Variants in CCDC122 observed in about 807,000 individuals in gnomAD.
CCDC122 encodes the protein coiled-coil domain containing 122.
Under a neutral mutation model 37.0 loss-of-function variants are expected in CCDC122, and 38 were observed. That is an observed-to-expected ratio of 1.03 (90% confidence interval 0.79 to 1.35). The LOEUF (loss-of-function observed/expected upper bound fraction) is 1.35. Ranked by LOEUF, CCDC122 falls within the 40% of genes most tolerant of loss-of-function variation. The probability of loss-of-function intolerance (pLI) is 0.00; values close to 1 mark genes in which losing one functional copy is unlikely to be tolerated. For synonymous variants in CCDC122, 83 were observed against 95.6 expected, an observed-to-expected ratio of 0.87 and a Z score of 0.77; for missense variants, 305 against 310.0, an observed-to-expected ratio of 0.98 and a Z score of 0.12.
intron 6 of CCDC122, among the ~76,000 whole-genome samples, chr13:43,849,891 C>A (rs1953667592): frequency 6.6e-6 from 1 of 152,162 alleles, no homozygotes; most frequent in Non-Finnish European, 1.5e-5. Flanking sequence ...CTCTAAGCAG[C>A]AAGAAACCAT....
intron 4 of CCDC122, among the ~76,000 whole-genome samples, chr13:43,862,016 C>A (rs1411579444): frequency 6.6e-6 from 1 of 152,134 alleles, no homozygotes; most frequent in Non-Finnish European, 1.5e-5. Context: ...TGTAGTGTGA[C>A]CTAATGTCTA....
chr13:43,862,167 A>C (rs1954127907), intron 4 of CCDC122, among the ~76,000 whole-genome samples: 1 of 152,220 alleles, frequency 6.6e-6, no homozygotes, highest in African/African-American at 2.4e-5. Flanking sequence ...GCATTAATAA[A>C]AAATTTCAAA....
intron 4 of CCDC122, among the ~76,000 whole-genome samples, chr13:43,862,102 A>G (rs1037673540): frequency 5.3e-5 from 8 of 152,280 alleles, no homozygotes; most frequent in African/African-American, 1.9e-4. Flanking sequence ...TCTTTTCAAA[A>G]CATAAATCAT....
chr13:43,858,796 T>A lies in CCDC122; in HGVS notation c.657A>T (p.Leu219Phe). The A allele has an allele frequency of 7.0e-7, 1 of 1,421,884 alleles. No homozygotes were observed. The highest frequency in any genetic ancestry group is 1.3e-5 in the South Asian group (1 of 74,164). 88.1% of individuals were successfully genotyped at this position (1,421,884 alleles called of 1,614,324 possible). A position where few individuals can be genotyped will look rare whatever the true frequency, so the allele number is the denominator to read the frequency against. Residue 219 changes from leucine to phenylalanine, a missense_variant, in exon 6 of 7, where the codon TTA becomes TTT. Transcript: ENST00000444614. ...LEEEKKTHEK[L>F]RKEIEVQHKR... ...TAAGACTTACCTCTATTTCTTTTCTTAATTTTTCATGTGTCTTTTTTTCTT... is the reference window on the plus strand; with the variant it reads ...TAAGACTTACCTCTATTTCTTTTCTAAATTTTTCATGTGTCTTTTTTTCTT...
intron 5 of CCDC122, 47 bp from the exon 6 acceptor site, chr13:43,858,944 C>T (rs992450964): frequency 2.3e-6 from 3 of 1,292,724 alleles, no homozygotes; most frequent in South Asian, 3.1e-5. Context: ...AAAGGATGAT[C>T]AATATAAATC....
Position 43,860,079 on chromosome 13 carries a change from C to A in CCDC122, c.157-9G>T. ...AGCTCATGAAGTTCATTCTGTAATA[C>A]ATTTTAACATTATCATTATTAATTC... On this transcript the variant is annotated splice_polypyrimidine_tract_variant and intron_variant, in intron 4 of 6. Coordinates refer to ENST00000444614, the MANE Select transcript of CCDC122 (RefSeq NM_144974.5). 7.3e-7 allele frequency: 1 copy of A among 1,360,698 alleles called. No homozygotes were observed. The highest frequency in any genetic ancestry group is 2.5e-5 in the East Asian group (1 of 39,240). 84.3% of individuals were successfully genotyped at this position (1,360,698 alleles called of 1,614,324 possible).
chr13:43,862,779 T>C (rs916039294), intron 4 of CCDC122, among the ~76,000 whole-genome samples: 15 of 152,208 alleles, frequency 9.9e-5, no homozygotes, highest in Non-Finnish European at 1.3e-4. Flanking sequence ...TATTGGTCAA[T>C]AGAAGAAGTA....
intron 6 of CCDC122, among the ~76,000 whole-genome samples, chr13:43,846,221 C>G (rs930504713): frequency 6.6e-6 from 1 of 151,968 alleles, no homozygotes; most frequent in Non-Finnish European, 1.5e-5. Context: ...ATTACAGGTG[C>G]CCGCCACCAC....
chr13:43,847,504 T>C (rs915933341), intron 6 of CCDC122, among the ~76,000 whole-genome samples: 2 of 152,208 alleles, frequency 1.3e-5, no homozygotes, highest in African/African-American at 2.4e-5. Flanking sequence ...CTCTGTCATT[T>C]ATCATTAGCT....
Position 43,864,878 on chromosome 13 carries a change from C to A in CCDC122, c.156+3816G>T, listed in dbSNP as rs144112332. On this transcript the variant is annotated intron_variant, in intron 4 of 6. Coordinates refer to ENST00000444614, the MANE Select transcript of CCDC122 (RefSeq NM_144974.5). ...AAAAGCCCAAGCCTTGATTAGAAGA[C>A]TGAAACTTTTAGCCCCATTTCCCCA... Among the ~76,000 whole-genome samples, 112 of 152,248 alleles carry A rather than the reference C, an allele frequency of 7.4e-4. 2 individuals are homozygous for A. The highest frequency in any genetic ancestry group is 2.6e-3 in the African/African-American group (110 of 41,558).
At position 43,874,855 on chromosome 13, in the gene CCDC122, G is replaced by A. The variant is rs891531152; in HGVS notation, c.-127C>T. 2.0e-5 allele frequency: 3 copies of A among 152,276 alleles called. No individual in the cohort carries two copies. Among genetic ancestry groups the A allele is most frequent in the Non-Finnish European group, 4.4e-5 (3 of 68,046 alleles). 9.4% of individuals were successfully genotyped at this position (152,276 alleles called of 1,614,324 possible). ...TAAACTGTATACCTATTATACACCA[G>A]TACCGCTGAATCTGCTGACACTAGG... On this transcript the variant is annotated 5_prime_UTR_variant, in exon 2 of 7. Transcript: ENST00000444614.
chr13:43,868,606 CTCCCAATAA>C (rs1566953726), intron 4 of CCDC122, 79 bp downstream of exon 4: 3 of 642,798 alleles, frequency 4.7e-6, no homozygotes, highest in Non-Finnish European at 7.4e-6. Context: ...TTAAAAGTGA[CTCCCAATAA>C]TAAGTATTTT....
At chr13:43,854,210 AAATT>A (rs1953833323) in intron 6 of CCDC122, 2 of 152,154 alleles carry the variant, frequency 1.3e-5, no homozygotes, top group South Asian at 4.1e-4. Flanking sequence ...TTTTTTGAAA[AAATT>A]AATAAAACAG....
At chr13:43,863,513 T>C (rs564391963) in intron 4 of CCDC122, among the ~76,000 whole-genome samples, 2 of 152,210 alleles carry the variant, frequency 1.3e-5, no homozygotes, top group African/African-American at 4.8e-5. Flanking sequence ...GGCTAGATTA[T>C]ACAGTAGGGA....
At chr13:43,855,636 A>T (rs1375549323) in intron 6 of CCDC122, 1 of 152,194 alleles carries the variant, frequency 6.6e-6, no homozygotes, top group Non-Finnish European at 1.5e-5. Context: ...TGTAAATCAA[A>T]ACCACAAGGA....
At chr13:43,835,532 G>T (rs181187064), downstream of CCDC122, among the ~76,000 whole-genome samples, 2 of 151,990 alleles carry the variant, frequency 1.3e-5, no homozygotes, top group African/African-American at 4.8e-5. Flanking sequence ...TGTAAAATAG[G>T]TATATGTATT....
chr13:43,830,895 A>G (rs944881998), intron 3 of CCDC122, among the ~76,000 whole-genome samples: 23 of 152,124 alleles, frequency 1.5e-4, no homozygotes, highest in Non-Finnish European at 2.1e-4. Flanking sequence ...AGGAAGCTGC[A>G]TTTTTTATTA....
chr13:43,866,244 A>G (rs1954273351), intron 4 of CCDC122, among the ~76,000 whole-genome samples: 1 of 152,222 alleles, frequency 6.6e-6, no homozygotes, highest in African/African-American at 2.4e-5. Context: ...TGAAACTGCA[A>G]AAACAAAACT....
intron 1 of CCDC122, among the ~76,000 whole-genome samples, chr13:43,878,732 G>A (rs1272574291): frequency 6.6e-6 from 1 of 152,168 alleles, no homozygotes; most frequent in Non-Finnish European, 1.5e-5. Context: ...GATCAGGGAT[G>A]CTAAACTGCA....
Sources: allele counts gnomAD v4.1 joint callset (sites outside exome capture counted in the v4.1 genomes callset), GRCh38; gene constraint gnomAD v4.1.1; transcripts MANE v1.5; gene names NCBI Gene and HGNC (gene_info 2026-07-23, HGNC 2026-07-21).